SLC25A12: variants seen among roughly 807,000 people sequenced by gnomAD.
SLC25A12 encodes electrogenic aspartate/glutamate antiporter SLC25A12, mitochondrial.
Under a neutral mutation model 83.3 loss-of-function variants are expected in SLC25A12, and 32 were observed. The ratio of observed to expected loss-of-function variants is 0.38; its 90% CI spans 0.29 to 0.52. The LOEUF (loss-of-function observed/expected upper bound fraction) is 0.52. Ranked by LOEUF, SLC25A12 falls within the 20% of genes least tolerant of loss-of-function variation. SLC25A12 has a pLI of 0.84. For missense variants in SLC25A12, 611 were observed against 835.6 expected, an observed-to-expected ratio of 0.73 and a Z score of 3.31; for synonymous variants, 267 against 291.1, an observed-to-expected ratio of 0.92 and a Z score of 0.84.
At chr2:171,817,030 C>T (rs1684064067) in intron 9 of SLC25A12, among the ~76,000 whole-genome samples, 2 of 152,024 alleles carry the variant, frequency 1.3e-5, no homozygotes, top group Non-Finnish European at 2.9e-5. Flanking sequence ...AGAAAGACGA[C>T]CTCCCTCTAT....
At chr2:171,814,735 C>T (rs1412971011) in intron 10 of SLC25A12, among the ~76,000 whole-genome samples, 2 of 152,104 alleles carry the variant, frequency 1.3e-5, no homozygotes, top group Non-Finnish European at 2.9e-5. Context: ...TAAATGAGAA[C>T]ATGTGGTATT....
intron 15 of SLC25A12, 100 bp from the exon 16 acceptor site, chr2:171,788,047 G>A: frequency 8.1e-7 from 1 of 1,241,820 alleles, no homozygotes; most frequent in Non-Finnish European, 1.1e-6. Flanking sequence ...AACCACTTGA[G>A]CGGAACTCAA....
intron 3 of SLC25A12, among the ~76,000 whole-genome samples, chr2:171,860,883 A>C (rs1573989957): frequency 6.6e-6 from 1 of 152,014 alleles, no homozygotes; most frequent in African/African-American, 2.4e-5. Context: ...AAAGTTCAAG[A>C]CCAGCCTAAG....
intron 3 of SLC25A12, among the ~76,000 whole-genome samples, chr2:171,862,805 A>G (rs4668417): frequency 0.81 from 124,007 of 152,178 alleles, 51,680 homozygotes; most frequent in Middle Eastern, 0.91. Flanking sequence ...CACATTTTGG[A>G]GCAGGAAACA....
At position 171,785,051 on chromosome 2, in the gene SLC25A12, A is replaced by G; in HGVS notation, c.*223T>C. The G allele has an allele frequency of 2.0e-6, 1 of 509,132 alleles. No homozygotes were observed. The highest frequency in any genetic ancestry group is 3.1e-5 in the Admixed American group (1 of 32,588). The allele number at this position is 509,132 out of a possible 1,614,324, so 31.5% of individuals were successfully genotyped here. A position where few individuals can be genotyped will look rare whatever the true frequency, so the allele number is the denominator to read the frequency against. On this transcript the variant is annotated 3_prime_UTR_variant, in exon 18 of 18. Coordinates refer to ENST00000422440, the MANE Select transcript of SLC25A12 (RefSeq NM_003705.5). ...AACACTAATTCATGCCAAGGCTTACAAAAACATTTCAACACATAAGACTAA... is the reference window on the plus strand; with the variant it reads ...AACACTAATTCATGCCAAGGCTTACGAAAACATTTCAACACATAAGACTAA...
At chr2:171,875,646 G>A (rs1685548109) in intron 2 of SLC25A12, among the ~76,000 whole-genome samples, 2 of 149,992 alleles carry the variant, frequency 1.3e-5, no homozygotes, top group Admixed American at 1.3e-4. Context: ...GGGCGCGGTG[G>A]CTCACACCTG....
intron 9 of SLC25A12, among the ~76,000 whole-genome samples, chr2:171,816,062 CTTTTTTTTT>C (rs761249375): frequency 7.8e-6 from 1 of 127,510 alleles, no homozygotes; most frequent in African/African-American, 2.9e-5. Context: ...AAAAATATTC[CTTTTTTTTT>C]TTTTTTTTTT....
At chr2:171,882,033 A>C (rs1204270560) in intron 2 of SLC25A12, among the ~76,000 whole-genome samples, 2 of 152,180 alleles carry the variant, frequency 1.3e-5, no homozygotes, top group African/African-American at 4.8e-5. Context: ...TGACAGCTGC[A>C]CTGGAATGTT....
chr2:171,852,599 C>T, intron 4 of SLC25A12: 1 of 433,126 alleles, frequency 2.3e-6, no homozygotes, highest in South Asian at 1.7e-5. Flanking sequence ...TTCCTTTTAC[C>T]TAAACATGTG....
intron 17 of SLC25A12, among the ~76,000 whole-genome samples, chr2:171,786,853 T>G (rs948990814): frequency 6.6e-6 from 1 of 152,088 alleles, no homozygotes; most frequent in African/African-American, 2.4e-5. Context: ...AATAATAAAT[T>G]GTGGTGAATA....
At chr2:171,793,529 C>A in intron 14 of SLC25A12, 98 bp downstream of exon 14, 1 of 1,250,962 alleles carries the variant, frequency 8.0e-7, no homozygotes. Flanking sequence ...CACAGACTAC[C>A]CTGCTGGACA....
At chr2:171,819,041 A>G (rs967850410) in intron 9 of SLC25A12, among the ~76,000 whole-genome samples, 2 of 149,126 alleles carry the variant, frequency 1.3e-5, no homozygotes, top group African/African-American at 4.9e-5. Flanking sequence ...CTTAAAAAGT[A>G]AGATTAAAAC....
Position 171,785,106 on chromosome 2 carries a change from TG to T in SLC25A12, c.*167del. 1.5e-6 allele frequency: 1 copy of T among 667,022 alleles called. No individual in the cohort carries two copies. The allele number at this position is 667,022 out of a possible 1,614,324, so 41.3% of individuals were successfully genotyped here. The stretch of plus-strand genomic sequence containing the variant: ...TGAAACAGCGTTGTGGTTTTTTCCC[TG>T]GGCAAATGATTATTTTATAAACAAG... On this transcript the variant is annotated 3_prime_UTR_variant, in exon 18 of 18. Coordinates refer to ENST00000422440, the MANE Select transcript of SLC25A12 (RefSeq NM_003705.5).
intron 8 of SLC25A12, among the ~76,000 whole-genome samples, chr2:171,832,523 A>G (rs1198493504): frequency 6.6e-6 from 1 of 152,194 alleles, no homozygotes; most frequent in Non-Finnish European, 1.5e-5. Flanking sequence ...GAAGCTGTAC[A>G]CTTGTATATT....
At chr2:171,875,247 C>T (rs1479998101) in intron 2 of SLC25A12, among the ~76,000 whole-genome samples, 2 of 152,168 alleles carry the variant, frequency 1.3e-5, no homozygotes, top group East Asian at 3.9e-4. Flanking sequence ...TATTTGGACG[C>T]GAGAAGTTTC....
chr2:171,874,024 C>T (rs575891931), intron 2 of SLC25A12, among the ~76,000 whole-genome samples: 2 of 152,074 alleles, frequency 1.3e-5, no homozygotes, highest in Admixed American at 1.3e-4. Context: ...TCCGGGAGTT[C>T]GAGACCAGCC....
chr2:171,859,425 T>C (rs559189992), intron 3 of SLC25A12, among the ~76,000 whole-genome samples: 99 of 152,310 alleles, frequency 6.5e-4, no homozygotes, highest in Non-Finnish European at 1.1e-3. Context: ...TGAGCTGTGA[T>C]TGTGCCACTG....
At chr2:171,893,910 A>T (rs1211748164) in intron 1 of SLC25A12, among the ~76,000 whole-genome samples, 2 of 151,368 alleles carry the variant, frequency 1.3e-5, no homozygotes, top group African/African-American at 4.9e-5. Flanking sequence ...ATGCCCTCCA[A>T]CTCCGGACTC....
At chr2:171,826,733 G>A in intron 9 of SLC25A12, 65 bp downstream of exon 9, 1 of 888,680 alleles carries the variant, frequency 1.1e-6, no homozygotes, top group African/African-American at 1.6e-5. Context: ...GAAGCTGTCA[G>A]CTCCTATTTA....
Sources: allele counts gnomAD v4.1 joint callset (sites outside exome capture counted in the v4.1 genomes callset), GRCh38; gene constraint gnomAD v4.1.1; transcripts MANE v1.5; gene names NCBI Gene and HGNC (gene_info 2026-07-23, HGNC 2026-07-21).